The following TSR1 variants were observed in gnomAD, a reference collection of about 807,000 sequenced individuals.
The protein encoded by TSR1 is TSR1 ribosome maturation factor.
A neutral mutation model predicts 90.9 loss-of-function variants in TSR1; 81 were observed. The ratio of observed to expected loss-of-function variants is 0.89; its 90% CI spans 0.74 to 1.07. The LOEUF (loss-of-function observed/expected upper bound fraction) is 1.07. Among genes scored for constraint, TSR1 ranks in the 50% least tolerant of loss-of-function variants. The pLI, the probability that TSR1 is intolerant of heterozygous loss-of-function variation, is 0.00. For missense variants in TSR1, 989 were observed against 987.3 expected, an observed-to-expected ratio of 1.00 and a Z score of -0.02; for synonymous variants, 362 against 348.8, an observed-to-expected ratio of 1.04 and a Z score of -0.42.
chr17:2,323,399 G>C lies in TSR1; in HGVS notation c.*797C>G. 1 of 1,602,584 alleles carries C rather than the reference G, an allele frequency of 6.2e-7. No individual in the cohort carries two copies. The highest frequency in any genetic ancestry group is 8.5e-7 in the Non-Finnish European group (1 of 1,170,718). ...AAAGCATGGTGTAACTTCTTAGGCAGAAGAAACTTCCCTTAGGAGTAGCAA... is the reference window on the plus strand; with the variant it reads ...AAAGCATGGTGTAACTTCTTAGGCACAAGAAACTTCCCTTAGGAGTAGCAA... On this transcript the variant is annotated 3_prime_UTR_variant, in exon 15 of 15. Coordinates refer to ENST00000301364, the MANE Select transcript of TSR1 (RefSeq NM_018128.5).
At chr17:2,333,798 T>C in intron 5 of TSR1, 82 bp from the exon 6 acceptor site, 1 of 1,553,634 alleles carries the variant, frequency 6.4e-7, no homozygotes, top group Non-Finnish European at 8.8e-7. Context: ...GACCCAGAAA[T>C]ATCAGTCCTC....
At chr17:2,333,972 A>G (rs573416612) in intron 5 of TSR1, among the ~76,000 whole-genome samples, 7 of 151,926 alleles carry the variant, frequency 4.6e-5, no homozygotes, top group Non-Finnish European at 1.0e-4. Flanking sequence ...CATCAAGCTG[A>G]TTTCTTCAAG....
At chr17:2,334,964 C>G (rs1255706843) in intron 4 of TSR1, 68 bp from the exon 5 acceptor site, 1 of 1,507,564 alleles carries the variant, frequency 6.6e-7, no homozygotes. Flanking sequence ...CTGCAGTTCA[C>G]AAACAACCTA....
In TSR1 at chr17:2,322,557, G is replaced by C. The variant is rs112827195; in HGVS notation, c.*1639C>G. ...ACTCTGTCACCCAGGCTGGAGTGCA[G>C]TGGCACGATCTTGGCTCACTGCAAG... On this transcript the variant is annotated 3_prime_UTR_variant, in exon 15 of 15. Coordinates refer to ENST00000301364, the MANE Select transcript of TSR1 (RefSeq NM_018128.5). 4.4e-3 allele frequency: 669 copies of C among 152,442 alleles called. No individual in the cohort carries two copies. The highest frequency in any genetic ancestry group is 0.01 in the Middle Eastern group (3 of 298). 9.4% of individuals were successfully genotyped at this position (152,442 alleles called of 1,614,324 possible). A position where few individuals can be genotyped will look rare whatever the true frequency, so the allele number is the denominator to read the frequency against.
rs1567781453 is a variant in TSR1, at chr17:2,324,597, A to G, written c.2162-19T>C. ...ACATCCTCTTAGAATCAAACACATT[A>G]AAGACCAAGATGAAACATTTACCCA... On this transcript the variant is annotated intron_variant, in intron 13 of 14. Transcript: ENST00000301364. 1.9e-6 allele frequency: 3 copies of G among 1,614,164 alleles called. No individual in the cohort carries two copies. The highest frequency in any genetic ancestry group is 2.5e-6 in the Non-Finnish European group (3 of 1,180,038).
intron 5 of TSR1, 99 bp downstream of exon 5, chr17:2,334,373 C>A: frequency 1.6e-6 from 2 of 1,273,928 alleles, no homozygotes; most frequent in South Asian, 1.4e-5. Flanking sequence ...GACTAGCAGT[C>A]TCCTCATTCA....
intron 8 of TSR1, among the ~76,000 whole-genome samples, chr17:2,331,527 C>A (rs564634839): frequency 1.5e-4 from 18 of 122,962 alleles, no homozygotes; most frequent in African/African-American, 5.4e-4. Flanking sequence ...CACCTCCTGC[C>A]TTGCTCTCGT....
In TSR1 at chr17:2,335,389, GA is replaced by G; in HGVS notation, c.426del (p.Leu143CysfsTer5). 1 of 1,611,794 alleles carries G rather than the reference GA, an allele frequency of 6.2e-7. No individual in the cohort carries two copies. Among genetic ancestry groups the G allele is most frequent in the South Asian group, 1.1e-5 (1 of 91,004 alleles). On this transcript the variant is annotated frameshift_variant, in exon 4 of 15. Transcript: ENST00000301364. LOFTEE classifies it high-confidence loss of function. ...TTAGCCATGTCTAACACAACGTGCA[GA>G]TCCCCTGCAGATAGAAGACACAGTA... ...RWFFTSARPG[D>X]LHVVLDMAKV...
At position 2,324,115 on chromosome 17, in the gene TSR1, A is replaced by G; in HGVS notation, c.*81T>C. On this transcript the variant is annotated 3_prime_UTR_variant, in exon 15 of 15. Transcript: ENST00000301364. ...GGACTGACAGGCTGACATAGAAAATAAACTTTGCCCAATCACAACTTGTGC... is the reference window on the plus strand; with the variant it reads ...GGACTGACAGGCTGACATAGAAAATGAACTTTGCCCAATCACAACTTGTGC... 6.7e-7 allele frequency: 1 copy of G among 1,486,654 alleles called. No homozygotes were observed. The highest frequency in any genetic ancestry group is 9.0e-7 in the Non-Finnish European group (1 of 1,114,452). 92.1% of individuals were successfully genotyped at this position (1,486,654 alleles called of 1,614,324 possible). A position where few individuals can be genotyped will look rare whatever the true frequency, so the allele number is the denominator to read the frequency against.
chr17:2,324,779 T>C lies in TSR1; in HGVS notation c.2071A>G (p.Arg691Gly). ...TGHLMSVDPD[R>G]MVIKRVVLSG... ...AGAACAACTCTCTTGATGACCATTC[T>C]GTCTGGATCTACTGACATAAGATGG... The change falls in exon 13 of 15, where the codon AGA becomes GGA. Residue 691 changes from arginine (R) to glycine (G), a missense_variant. By Grantham distance (125) the Arg-to-Gly change is moderately radical. Coordinates refer to ENST00000301364, the MANE Select transcript of TSR1 (RefSeq NM_018128.5). The C allele has an allele frequency of 1.2e-6, 2 of 1,614,208 alleles. No homozygotes were observed. Among genetic ancestry groups the C allele is most frequent in the Non-Finnish European group, 1.7e-6 (2 of 1,180,020 alleles).
chr17:2,323,454 T>G lies in TSR1; in HGVS notation c.*742A>C. 3.8e-6 allele frequency: 5 copies of G among 1,317,358 alleles called. No homozygotes were observed. The South Asian group carries it at 6.4e-5, about 17-fold the overall frequency. 81.6% of individuals were successfully genotyped at this position (1,317,358 alleles called of 1,614,324 possible). ...CCCACGGGAACCTGACTAGGTAACT[T>G]CATGACATGGGAGGGTACCCTAGAT... On this transcript the variant is annotated 3_prime_UTR_variant, in exon 15 of 15. Coordinates refer to ENST00000301364, the MANE Select transcript of TSR1 (RefSeq NM_018128.5).
chr17:2,330,692 C>A, intron 9 of TSR1, 67 bp from the exon 10 acceptor site: 1 of 1,497,232 alleles, frequency 6.7e-7, no homozygotes, highest in Admixed American at 1.9e-5. Flanking sequence ...AGGAAGCTTT[C>A]TCCAAATATG....
rs1469605707 is a variant in TSR1, at chr17:2,334,905, G to C, written c.557-9C>G. 1.2e-6 allele frequency: 2 copies of C among 1,601,482 alleles called. No homozygotes were observed. The highest frequency in any genetic ancestry group is 2.2e-5 in the East Asian group (1 of 44,748). On this transcript the variant is annotated splice_polypyrimidine_tract_variant and intron_variant, in intron 4 of 14. Coordinates refer to ENST00000301364, the MANE Select transcript of TSR1 (RefSeq NM_018128.5). ...CCCCTGGACAGCTAGTGCTGTAAGC[G>C]AAAGAGAAAACGCTTCATGACCTAC... is the stretch of plus-strand genomic sequence containing the variant.
chr17:2,324,623 C>T, intron 13 of TSR1, 45 bp from the exon 14 acceptor site: 1 of 1,613,988 alleles, frequency 6.2e-7, no homozygotes. Flanking sequence ...CATTTACCCA[C>T]AAAATGTAAA....
At position 2,323,058 on chromosome 17, in the gene TSR1, C is replaced by T; in HGVS notation, c.*1138G>A. On this transcript the variant is annotated 3_prime_UTR_variant, in exon 15 of 15. Transcript: ENST00000301364. ...GGGATTACAGGTGTGAGCCACCACA[C>T]CAGGCCCATATTTTCTTTTAGACAT... 6.8e-7 allele frequency: 1 copy of T among 1,463,108 alleles called. No individual in the cohort carries two copies. The highest frequency in any genetic ancestry group is 9.5e-7 in the Non-Finnish European group (1 of 1,049,630). 90.6% of individuals were successfully genotyped at this position (1,463,108 alleles called of 1,614,324 possible). A position where few individuals can be genotyped will look rare whatever the true frequency, so the allele number is the denominator to read the frequency against.
intron 11 of TSR1, among the ~76,000 whole-genome samples, chr17:2,328,636 A>AG (rs1021869052): frequency 7.4e-5 from 11 of 148,970 alleles, no homozygotes; most frequent in South Asian, 2.1e-4. Context: ...AAAAAACAAG[A>AG]GGGGGCGCGG....
Position 2,323,876 on chromosome 17 carries a change from T to C in TSR1, c.*320A>G. 1.2e-6 allele frequency: 2 copies of C among 1,611,822 alleles called. No homozygotes were observed. Among genetic ancestry groups the C allele is most frequent in the Non-Finnish European group, 1.7e-6 (2 of 1,178,136 alleles). Reference sequence around the variant, plus strand: ...CTTATCAGTCTGTTTCTGTTTAATTTACAGAAAAGGAAATGGTGGGAATTC... The same window carrying C: ...CTTATCAGTCTGTTTCTGTTTAATTCACAGAAAAGGAAATGGTGGGAATTC... On this transcript the variant is annotated 3_prime_UTR_variant, in exon 15 of 15. Transcript: ENST00000301364.
chr17:2,323,534 G>T lies in TSR1; in HGVS notation c.*662C>A. 1 of 1,200,492 alleles carries T rather than the reference G, an allele frequency of 8.3e-7. No individual in the cohort carries two copies. The highest frequency in any genetic ancestry group is 1.2e-6 in the Non-Finnish European group (1 of 845,126). 74.4% of individuals were successfully genotyped at this position (1,200,492 alleles called of 1,614,324 possible). A position where few individuals can be genotyped will look rare whatever the true frequency, so the allele number is the denominator to read the frequency against. ...AGAGTCAGAATTAAAGAAAAGCTTT[G>T]GGAAGCGTGTGTACACAGTGATAAG... is the stretch of plus-strand genomic sequence containing the variant. On this transcript the variant is annotated 3_prime_UTR_variant, in exon 15 of 15. Transcript: ENST00000301364.
Position 2,323,440 on chromosome 17 carries a change from C to G in TSR1, c.*756G>C. ...GGAGTAGCAAGTGACCCACGGGAAC[C>G]TGACTAGGTAACTTCATGACATGGG... is the stretch of plus-strand genomic sequence containing the variant. On this transcript the variant is annotated 3_prime_UTR_variant, in exon 15 of 15. Transcript: ENST00000301364. The G allele has an allele frequency of 7.0e-7, 1 of 1,426,202 alleles. No homozygotes were observed. Among genetic ancestry groups the G allele is most frequent in the Non-Finnish European group, 9.8e-7 (1 of 1,024,712 alleles). 88.3% of individuals were successfully genotyped at this position (1,426,202 alleles called of 1,614,324 possible).
Sources: gnomAD v4.1 joint callset for allele counts (sites outside exome capture counted in the v4.1 genomes callset) on GRCh38, gnomAD v4.1.1 for gene constraint, MANE v1.5 for transcripts, NCBI Gene and HGNC (gene_info 2026-07-23, HGNC 2026-07-21) for gene names.